Variants in SGCZ observed in about 807,000 individuals in gnomAD.
SGCZ encodes zeta-sarcoglycan.
SGCZ carries 40 observed loss-of-function variants against 41.3 expected under a neutral mutation model. That is an observed-to-expected ratio of 0.97 (90% CI 0.75 to 1.26). The LOEUF (loss-of-function observed/expected upper bound fraction) is 1.26, where lower values mean the gene tolerates loss of function less well. Ranked by LOEUF, SGCZ falls within the 50% of genes most tolerant of loss-of-function variation. The pLI, the probability that SGCZ is intolerant of heterozygous loss-of-function variation, is 0.00. For synonymous variants in SGCZ, 206 were observed against 137.5 expected (o/e 1.50, Z -3.49); for missense variants, 552 against 369.8 (o/e 1.49, Z -4.04).
At chr8:14,625,682 T>C (rs1397287) in intron 1 of SGCZ, among the ~76,000 whole-genome samples, 121,207 of 152,042 alleles carry the variant, frequency 0.8, 48,719 homozygotes, top group Non-Finnish European at 0.84. Flanking sequence ...TCTCCCACCT[T>C]GGCCTCCCAA....
intron 1 of SGCZ, among the ~76,000 whole-genome samples, chr8:14,559,741 C>G (rs1804150996): frequency 6.6e-6 from 1 of 151,958 alleles, no homozygotes; most frequent in Non-Finnish European, 1.5e-5. Context: ...ATTGGATAAG[C>G]TATTAAAATA....
chr8:14,434,745 G>C (rs1005944989), intron 2 of SGCZ, among the ~76,000 whole-genome samples: 8 of 152,108 alleles, frequency 5.3e-5, no homozygotes, highest in Admixed American at 3.3e-4. Context: ...TGTAAAAGAA[G>C]TTGAGTTCTT....
intron 1 of SGCZ, among the ~76,000 whole-genome samples, chr8:15,092,960 T>C (rs1163023316): frequency 6.6e-6 from 1 of 152,212 alleles, no homozygotes; most frequent in Non-Finnish European, 1.5e-5. Context: ...TTGGAAATTG[T>C]TTGCAGATCG....
intron 5 of SGCZ, among the ~76,000 whole-genome samples, chr8:14,116,300 T>C (rs1249741225): frequency 6.6e-6 from 1 of 152,092 alleles, no homozygotes; most frequent in Admixed American, 6.6e-5. Flanking sequence ...TATGAAATTA[T>C]TTTTTAACAT....
intron 1 of SGCZ, among the ~76,000 whole-genome samples, chr8:14,629,016 G>C (rs1008659027): frequency 3.3e-5 from 5 of 152,228 alleles, no homozygotes; most frequent in Admixed American, 1.3e-4. Flanking sequence ...AAAAGAACCA[G>C]CTGTGTTTAA....
intron 1 of SGCZ, among the ~76,000 whole-genome samples, chr8:14,886,506 T>G (rs117422753): frequency 0.021 from 3,233 of 152,014 alleles, 44 homozygotes; most frequent in Non-Finnish European, 0.028. Flanking sequence ...AACAAACACC[T>G]CAGGGAGGTG....
At chr8:14,384,664 A>G (rs1804502990) in intron 2 of SGCZ, among the ~76,000 whole-genome samples, 1 of 152,024 alleles carries the variant, frequency 6.6e-6, no homozygotes, top group Non-Finnish European at 1.5e-5. Context: ...GGCTCAAGCA[A>G]TTGTCCTGCC....
rs143669464 is a variant in SGCZ at position 14,444,014 on chromosome 8, C to T, written c.234+110718G>A. Among the ~76,000 whole-genome samples the T allele has an allele frequency of 4.7e-3, 717 of 152,214 alleles. 8 individuals are homozygous for T. The highest frequency in any genetic ancestry group is 0.016 in the African/African-American group (655 of 41,548). On this transcript the variant is annotated intron_variant, in intron 2 of 7. Transcript: ENST00000382080. Reference sequence around the variant, plus strand: ...AAAGTGGGTGAAGGATATGAACAGACGCTTCTCAAAAGAAGACATTTATGC... The same window carrying T: ...AAAGTGGGTGAAGGATATGAACAGATGCTTCTCAAAAGAAGACATTTATGC...
chr8:14,968,737 A>G (rs1801198164), intron 1 of SGCZ, among the ~76,000 whole-genome samples: 1 of 152,152 alleles, frequency 6.6e-6, no homozygotes, highest in African/African-American at 2.4e-5. Flanking sequence ...CTAAAAGAAA[A>G]TAACTTCTTA....
intron 2 of SGCZ, among the ~76,000 whole-genome samples, chr8:14,445,184 C>A (rs1432657152): frequency 2.0e-5 from 3 of 152,216 alleles, no homozygotes; most frequent in African/African-American, 7.2e-5. Flanking sequence ...AATGCCTAGG[C>A]AGATTAGGAC....
intron 1 of SGCZ, among the ~76,000 whole-genome samples, chr8:14,964,399 G>A (rs1379247895): frequency 6.6e-6 from 1 of 152,142 alleles, no homozygotes; most frequent in East Asian, 1.9e-4. Flanking sequence ...TTCACCAATA[G>A]ATATCAGGAA....
rs796812152 is a variant in SGCZ at position 14,661,169 on chromosome 8, A to T, written c.40-106243T>A. ...AAATAGAAGGTGCGTTTTATCATTT[A>T]GGTAGTTTGTGCCCCCCGATGGACA... On this transcript the variant is annotated intron_variant, in intron 1 of 7. Transcript: ENST00000382080. Among the ~76,000 whole-genome samples, 15 of 152,264 alleles carry T rather than the reference A, an allele frequency of 9.9e-5. 1 individual carries two copies. The highest frequency in any genetic ancestry group is 3.6e-4 in the African/African-American group (15 of 41,566).
At chr8:14,457,619 C>T (rs1800786198) in intron 2 of SGCZ, among the ~76,000 whole-genome samples, 1 of 152,214 alleles carries the variant, frequency 6.6e-6, no homozygotes, top group Non-Finnish European at 1.5e-5. Context: ...CTGGCTCTGC[C>T]TTCCAGATAG....
Position 14,108,175 on chromosome 8 carries a change from G to A in SGCZ, c.608C>T (p.Ser203Phe), listed in dbSNP as rs1458563119. The change falls in exon 6 of 8, where the codon TCC (serine) becomes TTC (phenylalanine). Residue 203 changes from serine (S) to phenylalanine (F), a missense_variant. Transcript: ENST00000382080. ...AGGAAGCCCTTACCTGAGATCTTGG[G>A]ATGGCTCTGCTCTGATGTGCGGCGT... ...VETPHIRAEP[S>F]QDLRLESPTR... 6.2e-7 allele frequency: 1 copy of A among 1,614,004 alleles called. No individual in the cohort carries two copies. The highest frequency in any genetic ancestry group is 8.5e-7 in the Non-Finnish European group (1 of 1,179,942).
intron 2 of SGCZ, among the ~76,000 whole-genome samples, chr8:14,337,146 A>G (rs538575965): frequency 5.3e-5 from 8 of 152,084 alleles, no homozygotes; most frequent in Non-Finnish European, 1.2e-4. Context: ...CTCCCAATAT[A>G]TGGCTGGAAC....
chr8:14,421,875 G>T (rs1799646590), intron 2 of SGCZ, among the ~76,000 whole-genome samples: 1 of 152,056 alleles, frequency 6.6e-6, no homozygotes, highest in African/African-American at 2.4e-5. Context: ...TTTGAATCCA[G>T]AATCCTGCAA....
intron 4 of SGCZ, among the ~76,000 whole-genome samples, chr8:14,195,830 T>C: frequency 6.6e-6 from 1 of 152,028 alleles, no homozygotes; most frequent in East Asian, 1.9e-4. Context: ...TCAAAGTAAG[T>C]GAAAAAGACA....
chr8:15,195,958 C>G (rs1233333783), intron 1 of SGCZ, among the ~76,000 whole-genome samples: 1 of 118,156 alleles, frequency 8.5e-6, no homozygotes, highest in Non-Finnish European at 1.7e-5. Context: ...AGTGCAGTGG[C>G]GCGATCTTGG....
chr8:14,990,755 C>A (rs1019798750), intron 1 of SGCZ, among the ~76,000 whole-genome samples: 1 of 152,042 alleles, frequency 6.6e-6, no homozygotes, highest in African/African-American at 2.4e-5. Flanking sequence ...CAAAACCATC[C>A]CAGTGCTAAC....
Sources: allele counts gnomAD v4.1 joint callset (sites outside exome capture counted in the v4.1 genomes callset), GRCh38; gene constraint gnomAD v4.1.1; transcripts MANE v1.5; gene names NCBI Gene and HGNC (gene_info 2026-07-23, HGNC 2026-07-21).